The following MTRF1 variants were observed in gnomAD, a reference collection of about 807,000 sequenced individuals.
MTRF1 encodes mitochondrial translation release factor 1, also known as peptide chain release factor 1, mitochondrial.
A neutral mutation model predicts 62.9 loss-of-function variants in MTRF1; 51 were observed. That is an observed-to-expected ratio of 0.81 (90% CI 0.65 to 1.02). The LOEUF (loss-of-function observed/expected upper bound fraction) is 1.02. Ranked by LOEUF, MTRF1 falls within the 50% of genes least tolerant of loss-of-function variation. The pLI is 0.00. For missense variants in MTRF1, 446 were observed against 530.0 expected, an observed-to-expected ratio of 0.84 and a Z score of 1.56; for synonymous variants, 158 against 181.9, an observed-to-expected ratio of 0.87 and a Z score of 1.06.
At chr13:41,260,273 G>T (rs1308037808) in intron 2 of MTRF1, among the ~76,000 whole-genome samples, 1 of 151,990 alleles carries the variant, frequency 6.6e-6, no homozygotes, top group Non-Finnish European at 1.5e-5. Flanking sequence ...GCTGAAGTGG[G>T]GGGCCAGGAC....
At chr13:41,240,458 A>AG in intron 5 of MTRF1, 25 bp from the exon 6 acceptor site, 1 of 1,604,648 alleles carries the variant, frequency 6.2e-7, no homozygotes, top group Non-Finnish European at 8.5e-7. Context: ...ATCCAGAAAT[A>AG]GTAATGAATT....
At chr13:41,219,397 C>A (rs1593524775) in intron 9 of MTRF1, among the ~76,000 whole-genome samples, 1 of 151,950 alleles carries the variant, frequency 6.6e-6, no homozygotes, top group African/African-American at 2.4e-5. Context: ...GGGAGTCAAA[C>A]ACATTAGATT....
chr13:41,288,975 C>T, the MTRF1 span, among the ~76,000 whole-genome samples: 1 of 152,034 alleles, frequency 6.6e-6, no homozygotes, highest in East Asian at 1.9e-4. Flanking sequence ...TGACAATGAC[C>T]AATTGATAGC....
At chr13:41,266,410 G>A (rs1393722028), upstream of MTRF1, among the ~76,000 whole-genome samples, 1 of 151,766 alleles carries the variant, frequency 6.6e-6, no homozygotes, top group Non-Finnish European at 1.5e-5. Context: ...CCAGGAGTTT[G>A]AGACCACCCT....
At chr13:41,274,673 T>TATA in the MTRF1 span, among the ~76,000 whole-genome samples, 9,823 of 149,110 alleles carry the variant, frequency 0.066, 402 homozygotes, top group South Asian at 0.11. Flanking sequence ...ATAATAAATA[T>TATA]ATAATAATAA....
the MTRF1 span, among the ~76,000 whole-genome samples, chr13:41,308,820 C>G: frequency 6.6e-5 from 10 of 152,136 alleles, no homozygotes; most frequent in Admixed American, 1.3e-4. Context: ...AGTCTTGTCA[C>G]CCAGGTAATC....
At chr13:41,278,261 C>T in the MTRF1 span, among the ~76,000 whole-genome samples, 1 of 152,206 alleles carries the variant, frequency 6.6e-6, no homozygotes, top group Non-Finnish European at 1.5e-5. Flanking sequence ...TGTCCAGGTT[C>T]TTGGCGTCTC....
At chr13:41,224,108 A>G (rs770134507) in intron 8 of MTRF1, among the ~76,000 whole-genome samples, 2 of 152,184 alleles carry the variant, frequency 1.3e-5, no homozygotes, top group Non-Finnish European at 2.9e-5. Context: ...TGCCACTAAT[A>G]ATACTATGTC....
At chr13:41,220,691 G>T (rs1416582620) in intron 9 of MTRF1, 1 of 905,384 alleles carries the variant, frequency 1.1e-6, no homozygotes, top group Non-Finnish European at 1.6e-6. Flanking sequence ...GGTTCTTTCT[G>T]TCTATTTCTC....
In MTRF1 at chr13:41,217,240, G is replaced by C. The variant is rs772623871; in HGVS notation, c.1225-12C>G. On this transcript the variant is annotated splice_polypyrimidine_tract_variant and intron_variant, in intron 9 of 9. Coordinates refer to ENST00000379480, the MANE Select transcript of MTRF1 (RefSeq NM_004294.4). ...CCACATAAAAATTCCTGGTAAAAGA[G>C]AGAGCTATTATGAAACCTAATGATT... 2 of 1,494,140 alleles carry C rather than the reference G, an allele frequency of 1.3e-6. No individual in the cohort carries two copies. The highest frequency in any genetic ancestry group is 1.9e-6 in the Non-Finnish European group (2 of 1,078,872). The allele number at this position is 1,494,140 out of a possible 1,614,324, so 92.6% of individuals were successfully genotyped here. A position where few individuals can be genotyped will look rare whatever the true frequency, so the allele number is the denominator to read the frequency against.
chr13:41,273,290 C>T, the MTRF1 span, among the ~76,000 whole-genome samples: 28 of 150,524 alleles, frequency 1.9e-4, no homozygotes, highest in Admixed American at 3.3e-4. Context: ...CGCGCCACTG[C>T]ACTCCAGCCT....
chr13:41,296,473 A>AAATTAAAATTACTTTTTGTTGG, the MTRF1 span, among the ~76,000 whole-genome samples: 1 of 152,280 alleles, frequency 6.6e-6, no homozygotes, highest in Non-Finnish European at 1.5e-5. Context: ...CTTAAAATTA[A>AAATTAAAATTACTTTTTGTTGG]CTTTGGGATA....
At chr13:41,285,452 G>T in the MTRF1 span, among the ~76,000 whole-genome samples, 1 of 152,270 alleles carries the variant, frequency 6.6e-6, no homozygotes, top group East Asian at 1.9e-4. Flanking sequence ...ACCCAGCATG[G>T]CTTCTGACCC....
intron 7 of MTRF1, among the ~76,000 whole-genome samples, chr13:41,230,747 AG>A (rs1192987299): frequency 6.9e-6 from 1 of 144,986 alleles, no homozygotes; most frequent in African/African-American, 2.5e-5. Flanking sequence ...TTTGAGACTG[AG>A]TTTTGCTCTT....
At chr13:41,290,031 G>C in the MTRF1 span, among the ~76,000 whole-genome samples, 1 of 150,674 alleles carries the variant, frequency 6.6e-6, no homozygotes, top group Non-Finnish European at 1.5e-5. Flanking sequence ...GGACTTTTAT[G>C]CTACAGGAAG....
intron 5 of MTRF1, among the ~76,000 whole-genome samples, chr13:41,242,473 A>G (rs997022262): frequency 2.6e-5 from 4 of 152,122 alleles, no homozygotes; most frequent in African/African-American, 7.2e-5. Flanking sequence ...GAAAATCACA[A>G]TTTGGGGGCT....
the MTRF1 span, among the ~76,000 whole-genome samples, chr13:41,275,612 C>T: frequency 2.6e-5 from 4 of 152,054 alleles, no homozygotes; most frequent in African/African-American, 9.7e-5. Flanking sequence ...CCATCCTCAG[C>T]CTCCTGAGTA....
At position 41,252,723 on chromosome 13, in the gene MTRF1, T is replaced by G. The variant is rs771609639; in HGVS notation, c.619A>C (p.Ile207Leu). Residue 207 changes from isoleucine to leucine, a missense_variant, in exon 5 of 10, where the codon ATA (isoleucine) becomes CTA (leucine). Ile to Leu is a conservative substitution (Grantham distance 5). Transcript: ENST00000379480. ...GDICQQFTRE[I>L]FDMYQNYSCY... is the part of the protein sequence containing the mutation. ...GAATAATTCTGGTACATGTCAAATATTTCTCGGGTAAATTGTTGGCAGATG... is the reference window on the plus strand; with the variant it reads ...GAATAATTCTGGTACATGTCAAATAGTTCTCGGGTAAATTGTTGGCAGATG... The G allele has an allele frequency of 1.3e-5, 21 of 1,613,678 alleles. No individual in the cohort carries two copies. The highest frequency in any genetic ancestry group is 1.8e-5 in the Non-Finnish European group (21 of 1,179,834).
At chr13:41,275,329 T>A in the MTRF1 span, among the ~76,000 whole-genome samples, 4 of 151,958 alleles carry the variant, frequency 2.6e-5, no homozygotes, top group Non-Finnish European at 5.9e-5. Flanking sequence ...GTCTCCCAAG[T>A]AGCTGGGACT....
Sources: gnomAD v4.1 joint callset for allele counts (sites outside exome capture counted in the v4.1 genomes callset) on GRCh38, gnomAD v4.1.1 for gene constraint, MANE v1.5 for transcripts, NCBI Gene and HGNC (gene_info 2026-07-23, HGNC 2026-07-21) for gene names.